The following POU6F2 variants were observed in gnomAD, a reference collection of about 807,000 sequenced individuals.
POU6F2 encodes the protein POU domain, class 6, transcription factor 2.
POU6F2 carries 31 observed loss-of-function variants against 71.3 expected under a neutral mutation model. The ratio of observed to expected loss-of-function variants is 0.43; its 90% CI spans 0.33 to 0.59. The LOEUF (loss-of-function observed/expected upper bound fraction) is 0.59, where lower values mean the gene tolerates loss of function less well. Among genes scored for constraint, POU6F2 ranks in the 20% least tolerant of loss-of-function variants. The pLI is 0.04. For missense variants in POU6F2, 783 were observed against 856.8 expected (o/e 0.91, Z 1.07); for synonymous variants, 347 against 355.7 (o/e 0.98, Z 0.27).
At chr7:39,276,929 C>T (rs1353153760) in intron 4 of POU6F2, among the ~76,000 whole-genome samples, 3 of 150,976 alleles carry the variant, frequency 2.0e-5, no homozygotes, top group African/African-American at 2.4e-5. Flanking sequence ...GGAGGGATAG[C>T]ATTAGGAGAT....
At chr7:39,176,699 T>A (rs1793337834) in intron 2 of POU6F2, among the ~76,000 whole-genome samples, 1 of 152,206 alleles carries the variant, frequency 6.6e-6, no homozygotes, top group Non-Finnish European at 1.5e-5. Flanking sequence ...AGAAAATGCA[T>A]GCATACAAAC....
chr7:39,443,848 A>C lies in POU6F2; in HGVS notation c.1321-7685A>C, dbSNP rs1243406165. On this transcript the variant is annotated intron_variant, in intron 7 of 9. Transcript: ENST00000518318. ...TGTCACACATTAGAGAAGTTTCTCA[A>C]TTTATTTTTTCATGTGATTTACGAC... Among the ~76,000 whole-genome samples the C allele has an allele frequency of 2.6e-5, 4 of 152,246 alleles. No homozygotes were observed. The South Asian group carries it at 8.3e-4, about 32-fold the overall frequency.
chr7:39,358,033 C>T (rs1023704183), intron 5 of POU6F2, among the ~76,000 whole-genome samples: 2 of 152,130 alleles, frequency 1.3e-5, no homozygotes, highest in Admixed American at 1.3e-4. Flanking sequence ...CAGCACCAAT[C>T]TCATTATGTG....
intron 4 of POU6F2, among the ~76,000 whole-genome samples, chr7:39,287,636 A>G (rs904319591): frequency 6.6e-6 from 1 of 152,164 alleles, no homozygotes; most frequent in Non-Finnish European, 1.5e-5. Context: ...TTCAGATTCC[A>G]GGAGACACAC....
intron 1 of POU6F2, among the ~76,000 whole-genome samples, chr7:39,063,695 G>GAGA (rs1790702209): frequency 6.6e-6 from 1 of 152,028 alleles, no homozygotes; most frequent in Non-Finnish European, 1.5e-5. Flanking sequence ...TCAATGAAAA[G>GAGA]AGACCCACCC....
At chr7:39,112,239 G>A (rs1431211532) in intron 2 of POU6F2, among the ~76,000 whole-genome samples, 1 of 152,118 alleles carries the variant, frequency 6.6e-6, no homozygotes, top group African/African-American at 2.4e-5. Flanking sequence ...ACTGAAATTA[G>A]TCTTTTAAAT....
chr7:39,074,808 C>T (rs1476038398), intron 1 of POU6F2, among the ~76,000 whole-genome samples: 1 of 152,132 alleles, frequency 6.6e-6, no homozygotes, highest in Non-Finnish European at 1.5e-5. Context: ...GGAAGGGTCG[C>T]GGACAGCAGG....
chr7:39,300,556 A>G (rs889376198), intron 4 of POU6F2, among the ~76,000 whole-genome samples: 1 of 152,150 alleles, frequency 6.6e-6, no homozygotes, highest in Non-Finnish European at 1.5e-5. Context: ...CACAACAGAA[A>G]TTTATTTTCT....
intron 2 of POU6F2, among the ~76,000 whole-genome samples, chr7:39,185,013 A>T (rs935574324): frequency 1.3e-5 from 2 of 152,222 alleles, no homozygotes; most frequent in Non-Finnish European, 2.9e-5. Flanking sequence ...TTATTTGTAT[A>T]CGGAAGACTC....
At chr7:39,076,680 G>A (rs1217923924) in intron 1 of POU6F2, among the ~76,000 whole-genome samples, 1 of 152,140 alleles carries the variant, frequency 6.6e-6, no homozygotes, top group Non-Finnish European at 1.5e-5. Context: ...ATAGATGGGA[G>A]GAGCCAATAT....
At chr7:39,423,394 C>T (rs1439076875) in intron 6 of POU6F2, among the ~76,000 whole-genome samples, 2 of 151,728 alleles carry the variant, frequency 1.3e-5, no homozygotes, top group Non-Finnish European at 2.9e-5. Context: ...ACATCCTGGT[C>T]TTCTATAGTG....
At chr7:39,075,269 A>G (rs1790974992) in intron 1 of POU6F2, among the ~76,000 whole-genome samples, 2 of 152,170 alleles carry the variant, frequency 1.3e-5, no homozygotes, top group South Asian at 4.1e-4. Flanking sequence ...TCACAGCCCA[A>G]GAAAGCTAGA....
chr7:39,090,045 G>A (rs1791333556), intron 2 of POU6F2, among the ~76,000 whole-genome samples: 1 of 151,778 alleles, frequency 6.6e-6, no homozygotes, highest in Non-Finnish European at 1.5e-5. Context: ...TATAAGCATT[G>A]CATCCAAAGT....
intron 1 of POU6F2, among the ~76,000 whole-genome samples, chr7:39,055,667 G>A (rs1790492261): frequency 6.6e-6 from 1 of 151,750 alleles, no homozygotes; most frequent in South Asian, 2.1e-4. Context: ...ATCAGAGTCT[G>A]TATGTTTGAG....
At chr7:39,291,310 T>C (rs554548531) in intron 4 of POU6F2, among the ~76,000 whole-genome samples, 478 of 152,282 alleles carry the variant, frequency 3.1e-3, no homozygotes, top group African/African-American at 0.011. Flanking sequence ...GGATGGCACA[T>C]TAGATGCCAA....
chr7:39,225,861 A>G (rs923010736), intron 4 of POU6F2, among the ~76,000 whole-genome samples: 3 of 152,136 alleles, frequency 2.0e-5, no homozygotes, highest in Non-Finnish European at 4.4e-5. Flanking sequence ...GTTTGACCAC[A>G]TGTGATTTCA....
At chr7:39,301,294 A>G (rs1020738198) in intron 4 of POU6F2, among the ~76,000 whole-genome samples, 1 of 152,188 alleles carries the variant, frequency 6.6e-6, no homozygotes, top group Admixed American at 6.5e-5. Context: ...AACTGAACAC[A>G]ATATTCCCCT....
At chr7:39,069,586 A>G (rs1790831736) in intron 1 of POU6F2, among the ~76,000 whole-genome samples, 1 of 152,202 alleles carries the variant, frequency 6.6e-6, no homozygotes, top group African/African-American at 2.4e-5. Context: ...TGACTCCCCA[A>G]AAACGTAACT....
Position 39,278,016 on chromosome 7 carries a change from G to C in POU6F2, c.599-61626G>C, listed in dbSNP as rs140396944. 2.1e-3 allele frequency among the ~76,000 whole-genome samples: 325 copies of C among 151,226 alleles called. 1 individual carries two copies. Among genetic ancestry groups the C allele is most frequent in the Middle Eastern group, 0.014 (4 of 292 alleles). ...AGGTTGCAGGGAGGCAGAGGTTGCA[G>C]TGAGCCGAGATCGGGCCACTGCACT... is the stretch of plus-strand genomic sequence containing the variant. On this transcript the variant is annotated intron_variant, in intron 4 of 9. Coordinates refer to ENST00000518318, the MANE Select transcript of POU6F2 (RefSeq NM_001370959.1).
Sources: gnomAD v4.1 joint callset for allele counts (sites outside exome capture counted in the v4.1 genomes callset) on GRCh38, gnomAD v4.1.1 for gene constraint, MANE v1.5 for transcripts, NCBI Gene and HGNC (gene_info 2026-07-23, HGNC 2026-07-21) for gene names.